Variants in SNX25 observed in about 807,000 individuals in gnomAD.
SNX25 encodes the protein sorting nexin 25, also known as sorting nexin-25.
A neutral mutation model predicts 113.7 loss-of-function variants in SNX25; 62 were observed. That is an observed-to-expected ratio of 0.55 (90% CI 0.44 to 0.67). SNX25 has a LOEUF of 0.67. SNX25 is among the 30% of genes least tolerant of loss of function. The pLI is 0.00. For synonymous variants in SNX25, 421 were observed against 436.2 expected (o/e 0.97, Z 0.43); for missense variants, 1,014 against 1,161.0 (o/e 0.87, Z 1.84).
intron 9 of SNX25, among the ~76,000 whole-genome samples, 167 bp from the exon 10 acceptor site, chr4:185,332,428 C>T (rs2095201959): frequency 6.6e-6 from 1 of 152,148 alleles, no homozygotes; most frequent in Admixed American, 6.6e-5. Flanking sequence ...ACTTTGGTTC[C>T]AAAGACTTTG....
At chr4:185,377,936 T>G in the SNX25 span, 2 of 653,468 alleles carry the variant, frequency 3.1e-6, no homozygotes, top group Non-Finnish European at 5.0e-6. Context: ...TTTCACAGAT[T>G]CTTGCGGGAA....
In SNX25 at chr4:185,241,519, A is replaced by ACTGTG. The variant is rs1394308814; in HGVS notation, c.430-5775_430-5774insCTGTG. On this transcript the variant is annotated intron_variant, in intron 1 of 18. Transcript: ENST00000652585. ...AGAGGGAGACCGTGGGGAGAGGGAG[A>ACTGTG]GGGAGAGGAGGGAGAGGGAGAGGAG... 1.1e-4 allele frequency among the ~76,000 whole-genome samples: 4 copies of ACTGTG among 34,944 alleles called. 2 individuals are homozygous for ACTGTG. The highest frequency in any genetic ancestry group is 2.8e-4 in the Non-Finnish European group (4 of 14,048). The allele number at this position is 34,944 out of a possible 152,430, so 22.9% of individuals were successfully genotyped here.
At chr4:185,212,491 G>GTGTTTTTGTTTTTTTTT (rs546083196) in intron 1 of SNX25, among the ~76,000 whole-genome samples, 1 of 104,944 alleles carries the variant, frequency 9.5e-6, no homozygotes, top group Admixed American at 1.1e-4. Flanking sequence ...GTGTGTGTGT[G>GTGTTTTTGTTTTTTTTT]TTTTTTTTTT....
chr4:185,238,930 G>C (rs1356703438), intron 1 of SNX25, among the ~76,000 whole-genome samples: 2 of 152,150 alleles, frequency 1.3e-5, no homozygotes, highest in Admixed American at 1.3e-4. Context: ...GGACAATGAG[G>C]TGTGTATGTT....
intron 1 of SNX25, among the ~76,000 whole-genome samples, chr4:185,240,452 T>A (rs77675797): frequency 8.6e-4 from 93 of 107,812 alleles, no homozygotes; most frequent in Non-Finnish European, 1.1e-3. Flanking sequence ...GGGGCTCCTC[T>A]CTTCCCAGTA....
chr4:185,263,930 T>C (rs114753407), intron 3 of SNX25, among the ~76,000 whole-genome samples: 121 of 152,310 alleles, frequency 7.9e-4, no homozygotes, highest in Non-Finnish European at 1.5e-3. Flanking sequence ...AAAAATACTT[T>C]GGAGCCTCAC....
chr4:185,226,139 C>T (rs1410866843), intron 1 of SNX25, among the ~76,000 whole-genome samples: 2 of 152,148 alleles, frequency 1.3e-5, no homozygotes, highest in African/African-American at 2.4e-5. Context: ...TTCCAGGCAG[C>T]CGCTGAAAAT....
chr4:185,283,717 A>G (rs1344513434), intron 5 of SNX25, among the ~76,000 whole-genome samples: 1 of 152,232 alleles, frequency 6.6e-6, no homozygotes, highest in Non-Finnish European at 1.5e-5. Flanking sequence ...GACCTTGTAT[A>G]GATCTCATAA....
chr4:185,222,102 G>A (rs1579339699), intron 1 of SNX25, among the ~76,000 whole-genome samples: 1 of 21,692 alleles, frequency 4.6e-5, no homozygotes, highest in Non-Finnish European at 1.2e-4. Flanking sequence ...CTCCTTCACG[G>A]TAGATATATA....
At chr4:185,311,446 C>A (rs1009685671) in intron 7 of SNX25, among the ~76,000 whole-genome samples, 1 of 152,144 alleles carries the variant, frequency 6.6e-6, no homozygotes, top group African/African-American at 2.4e-5. Flanking sequence ...AGTGTTTTAG[C>A]CCTACCTCAG....
downstream of SNX25, among the ~76,000 whole-genome samples, chr4:185,367,499 C>T (rs2095393289): frequency 6.6e-6 from 1 of 151,950 alleles, no homozygotes; most frequent in African/African-American, 2.4e-5. Flanking sequence ...AACTTAAGCA[C>T]CAATGATAGC....
rs1742073554 is a variant in SNX25, at chr4:185,232,912, A to G, written c.430-14382A>G. Among the ~76,000 whole-genome samples, 1 of 152,232 alleles carries G rather than the reference A, an allele frequency of 6.6e-6. No individual in the cohort carries two copies. Among genetic ancestry groups the G allele is most frequent in the African/African-American group, 2.4e-5 (1 of 41,460 alleles). On this transcript the variant is annotated intron_variant, in intron 1 of 18. Transcript: ENST00000652585. This position sits in a 1 kb window ranked among gnomAD's most constrained non-coding sequence, Gnocchi z 4.4. ...GTAGAGAGCATGCCAGAATAGGAAG[A>G]ATATTAGAATTCCTAAGCCCAGCCT...
chr4:185,228,535 T>A (rs771185996), intron 1 of SNX25, among the ~76,000 whole-genome samples: 121 of 152,250 alleles, frequency 7.9e-4, no homozygotes, highest in Non-Finnish European at 1.4e-3. Flanking sequence ...ATAATTTTTT[T>A]ATTTTTATTT....
chr4:185,353,767 C>T (rs949440533), intron 15 of SNX25, among the ~76,000 whole-genome samples, 165 bp downstream of exon 15: 3 of 152,178 alleles, frequency 2.0e-5, no homozygotes, highest in African/African-American at 4.8e-5. Flanking sequence ...CAACCCAGGC[C>T]GGGCACGGTG....
intron 2 of SNX25, among the ~76,000 whole-genome samples, chr4:185,256,154 G>T (rs559926875): frequency 7.9e-5 from 12 of 152,216 alleles, no homozygotes; most frequent in Admixed American, 2.6e-4. Context: ...CAGACTAGAA[G>T]CCCTCTATAC....
At chr4:185,277,718 ACCTTTTTTTT>A (rs1749919388) in intron 5 of SNX25, among the ~76,000 whole-genome samples, 3 of 82,906 alleles carry the variant, frequency 3.6e-5, no homozygotes, top group Admixed American at 1.4e-4. Context: ...AGTACTTATT[ACCTTTTTTTT>A]TTTTTTTTTT....
At chr4:185,310,909 A>T in intron 7 of SNX25, 93 bp downstream of exon 7, 1 of 1,219,330 alleles carries the variant, frequency 8.2e-7, no homozygotes, top group Non-Finnish European at 1.1e-6. Flanking sequence ...TTTAGTATTG[A>T]ACTTAGACAT....
chr4:185,334,336 G>GATCA lies in SNX25; in HGVS notation c.1914+1588_1914+1591dup, dbSNP rs1004202105. Reference sequence around the variant, plus strand: ...CTGGGTGACACAGCAAGACTCCATCGATCAATCAATCAATAAAAAATAAGA... The same window carrying GATCA: ...CTGGGTGACACAGCAAGACTCCATCGATCAATCAATCAATCAATAAAAAATAAGA... On this transcript the variant is annotated intron_variant, in intron 10 of 18. Transcript: ENST00000652585. This position sits in a 1 kb window ranked among gnomAD's most constrained non-coding sequence, Gnocchi z 4.2. Among the ~76,000 whole-genome samples, 2 of 152,046 alleles carry GATCA rather than the reference G, an allele frequency of 1.3e-5. No homozygotes were observed. Among genetic ancestry groups the GATCA allele is most frequent in the Admixed American group, 1.3e-4 (2 of 15,258 alleles).
At position 185,249,083 on chromosome 4, in the gene SNX25, A is replaced by C. The variant is rs748112313; in HGVS notation, c.514+1705A>C. Among the ~76,000 whole-genome samples the C allele has an allele frequency of 2.0e-5, 3 of 152,222 alleles. No homozygotes were observed. The East Asian group carries it at 5.8e-4, about 29-fold the overall frequency. ...CCTGTGGGACATCTGGGTTATTTCTAAGTTTTGGAAAGTTAGTCAATACAG... is the reference window on the plus strand; with the variant it reads ...CCTGTGGGACATCTGGGTTATTTCTCAGTTTTGGAAAGTTAGTCAATACAG... On this transcript the variant is annotated intron_variant, in intron 2 of 18. Coordinates refer to ENST00000652585, the MANE Select transcript of SNX25 (RefSeq NM_001378034.2).
Sources: allele counts gnomAD v4.1 joint callset (sites outside exome capture counted in the v4.1 genomes callset), GRCh38; gene constraint gnomAD v4.1.1; non-coding constraint Gnocchi (gnomAD v3.1); transcripts MANE v1.5; gene names NCBI Gene and HGNC (gene_info 2026-07-23, HGNC 2026-07-21).